Variants in MGLL observed in about 807,000 individuals in gnomAD.
The protein encoded by MGLL is monoglyceride lipase, also known as lysophospholipase homolog.
A neutral mutation model predicts 29.1 loss-of-function variants in MGLL; 7 were observed. That is an observed-to-expected ratio of 0.24 (90% CI 0.14 to 0.45). The LOEUF (loss-of-function observed/expected upper bound fraction) is 0.45. Among genes scored for constraint, MGLL ranks in the 20% least tolerant of loss-of-function variants. MGLL has a pLI of 0.99. For synonymous variants in MGLL, 148 were observed against 168.3 expected (o/e 0.88, Z 0.93); for missense variants, 356 against 413.6 (o/e 0.86, Z 1.21).
In MGLL at chr3:127,780,641, T is replaced by G. The variant is rs536820173; in HGVS notation, c.262+1148A>C. On this transcript the variant is annotated intron_variant, in intron 3 of 7. Coordinates refer to ENST00000265052, the MANE Select transcript of MGLL (RefSeq NM_007283.7). ...GAATAAGAGCCCCTGGCAAATCACA[T>G]TTGCAGCTCTTTACCTACAGAATGT... 5.9e-5 allele frequency among the ~76,000 whole-genome samples: 9 copies of G among 152,322 alleles called. No homozygotes were observed. The South Asian group carries it at 1.9e-3, about 32-fold the overall frequency.
At chr3:127,804,567 A>G (rs185865535) in intron 2 of MGLL, among the ~76,000 whole-genome samples, 1 of 152,334 alleles carries the variant, frequency 6.6e-6, no homozygotes, top group Non-Finnish European at 1.5e-5. Flanking sequence ...CCAACTCCTC[A>G]GAGTCTGTGC....
intron 2 of MGLL, among the ~76,000 whole-genome samples, chr3:127,819,432 T>C (rs1355909188): frequency 6.6e-6 from 1 of 152,164 alleles, no homozygotes; most frequent in Non-Finnish European, 1.5e-5. Flanking sequence ...ATGAGAAAGA[T>C]AGCAGAGGCG....
intron 3 of MGLL, among the ~76,000 whole-genome samples, chr3:127,754,779 C>T (rs988839692): frequency 1.3e-5 from 2 of 152,214 alleles, no homozygotes; most frequent in South Asian, 2.1e-4. Context: ...GTGCCTCCCC[C>T]GCAGCTGCTG....
Position 127,781,856 on chromosome 3 carries a change from A to G in MGLL, c.195T>C (p.Ser65=), listed in dbSNP as rs779123636. Residue 65 remains serine (S), a synonymous_variant, in exon 3 of 8, where the codon AGT becomes AGC. Transcript: ENST00000265052. ...TCCGAGCCAGCTCTTCATAGCGGCC[A>G]CTGTGCTCTCCGGCTCCATGGGACA... The part of the protein sequence containing the change: ...IFVSHGAGEH[S]GRYEELARML... The G allele has an allele frequency of 6.2e-7, 1 of 1,614,108 alleles. No homozygotes were observed. Among genetic ancestry groups the G allele is most frequent in the Non-Finnish European group, 8.5e-7 (1 of 1,179,998 alleles).
rs139332674 is a variant in MGLL, at chr3:127,733,066, C to T, written c.263-10500G>A. Among the ~76,000 whole-genome samples the T allele has an allele frequency of 2.6e-3, 391 of 152,272 alleles. 1 individual carries two copies. Among genetic ancestry groups the T allele is most frequent in the Admixed American group, 1.5e-3 (23 of 15,308 alleles). On this transcript the variant is annotated intron_variant, in intron 3 of 7. Transcript: ENST00000265052. ...CAGACGGTTGAGGTATTCTAAGTCA[C>T]AGGGTGAGATAGGAGCTTGGCACAA...
chr3:127,752,851 A>G (rs1425337259), intron 3 of MGLL, among the ~76,000 whole-genome samples: 1 of 152,174 alleles, frequency 6.6e-6, no homozygotes, highest in Non-Finnish European at 1.5e-5. Flanking sequence ...TGCACCTAGC[A>G]TGGGGCTTGT....
rs1366937580 is a variant in MGLL at position 127,692,274 on chromosome 3, G to A, written c.866C>T (p.Thr289Ile). 1.1e-5 allele frequency: 17 copies of A among 1,613,994 alleles called. No individual in the cohort carries two copies. The highest frequency in any genetic ancestry group is 1.4e-5 in the Non-Finnish European group (16 of 1,179,908). ...HVLHKELPEV[T>I]NSVFHEINMW... is the part of the protein sequence containing the mutation. ...GTTTATTTCATGGAAGACGGAGTTG[G>A]TGACTTCAGGAAGCTCCTTGTGGAG... The change falls in exon 8 of 8, where the codon ACC (threonine) becomes ATC (isoleucine). Residue 289 changes from threonine (T) to isoleucine (I), a missense_variant. Transcript: ENST00000265052.
upstream of MGLL, chr3:127,823,131 C>T (rs1480164794): frequency 2.6e-5 from 4 of 151,952 alleles, no homozygotes; most frequent in Non-Finnish European, 1.5e-5. Context: ...AGCGGATCCT[C>T]GTTTGCGGCG....
At chr3:127,813,135 T>C (rs1212734395) in intron 2 of MGLL, among the ~76,000 whole-genome samples, 1 of 152,202 alleles carries the variant, frequency 6.6e-6, no homozygotes, top group Non-Finnish European at 1.5e-5. Context: ...TGTGGCCGCC[T>C]GTGCAGTTTT....
At chr3:127,758,657 G>T (rs981649179) in intron 3 of MGLL, among the ~76,000 whole-genome samples, 1 of 152,204 alleles carries the variant, frequency 6.6e-6, no homozygotes, top group African/African-American at 2.4e-5. Context: ...ACCGAGCGAG[G>T]AGAATGGGGG....
At chr3:127,735,919 TG>T in intron 3 of MGLL, 1 of 1,521,568 alleles carries the variant, frequency 6.6e-7, no homozygotes, top group South Asian at 1.2e-5. Context: ...GCAGCTGGTC[TG>T]CACCTTCAGT....
intron 3 of MGLL, among the ~76,000 whole-genome samples, chr3:127,769,808 C>A (rs2076919632): frequency 1.3e-5 from 2 of 152,308 alleles, no homozygotes; most frequent in Admixed American, 6.5e-5. Context: ...AGCCTCCCTG[C>A]CTCCACCCCA....
chr3:127,715,804 A>G (rs1454566636), intron 5 of MGLL: 5 of 456,650 alleles, frequency 1.1e-5, no homozygotes, highest in Non-Finnish European at 2.2e-5. Flanking sequence ...CACAACCTCC[A>G]TCCTGAGCTG....
intron 7 of MGLL, among the ~76,000 whole-genome samples, chr3:127,694,655 G>A (rs2075321554): frequency 6.6e-6 from 1 of 152,110 alleles, no homozygotes; most frequent in African/African-American, 2.4e-5. Context: ...CTTGGAGCTT[G>A]GACATGTCTC....
At chr3:127,819,115 G>C (rs1300685929) in intron 2 of MGLL, among the ~76,000 whole-genome samples, 1 of 152,200 alleles carries the variant, frequency 6.6e-6, no homozygotes, top group Non-Finnish European at 1.5e-5. Context: ...GTCCGAGGAG[G>C]CTGGTGTTTA....
chr3:127,779,557 C>A (rs988932298), intron 3 of MGLL, among the ~76,000 whole-genome samples: 1 of 151,632 alleles, frequency 6.6e-6, no homozygotes, highest in African/African-American at 2.4e-5. Flanking sequence ...CGGCGCAGGA[C>A]CTTACATAAC....
chr3:127,729,599 T>C (rs1353652177), intron 3 of MGLL, among the ~76,000 whole-genome samples: 2 of 152,224 alleles, frequency 1.3e-5, no homozygotes, highest in African/African-American at 4.8e-5. Context: ...AAAATGTAGA[T>C]GGTTTGTAAT....
chr3:127,746,414 C>A (rs1576540655), intron 3 of MGLL, among the ~76,000 whole-genome samples: 1 of 152,144 alleles, frequency 6.6e-6, no homozygotes, highest in East Asian at 1.9e-4. Flanking sequence ...CCCAGGCGGT[C>A]CCCATTCACC....
intron 3 of MGLL, among the ~76,000 whole-genome samples, chr3:127,737,236 G>A (rs954633185): frequency 6.6e-6 from 1 of 151,178 alleles, no homozygotes; most frequent in African/African-American, 2.4e-5. Context: ...CCTGCTCTGT[G>A]CTAGCCACCA....
Sources: gnomAD v4.1 joint callset for allele counts (sites outside exome capture counted in the v4.1 genomes callset) on GRCh38, gnomAD v4.1.1 for gene constraint, MANE v1.5 for transcripts, NCBI Gene and HGNC (gene_info 2026-07-23, HGNC 2026-07-21) for gene names.